The following PKP4 variants were observed in gnomAD, a reference collection of about 807,000 sequenced individuals.
PKP4 encodes the protein plakophilin 4.
Under a neutral mutation model 145.1 loss-of-function variants are expected in PKP4, and 90 were observed. The ratio of observed to expected loss-of-function variants is 0.62; its 90% CI spans 0.52 to 0.74. PKP4 has a LOEUF of 0.74. Among genes scored for constraint, PKP4 ranks in the 30% least tolerant of loss-of-function variants. The probability of loss-of-function intolerance (pLI) is 0.00; values close to 1 mark genes in which losing one functional copy is unlikely to be tolerated. For missense variants in PKP4, 1,340 were observed against 1,482.7 expected (o/e 0.90, Z 1.58); for synonymous variants, 563 against 577.2 (o/e 0.98, Z 0.35).
intron 1 of PKP4, among the ~76,000 whole-genome samples, chr2:158,460,644 A>G (rs1689624017): frequency 2.0e-5 from 3 of 152,196 alleles, no homozygotes; most frequent in Admixed American, 2.0e-4. Context: ...TTGAGCAGTA[A>G]TTCCCTACCT....
Position 158,646,557 on chromosome 2 carries a change from C to T in PKP4, c.1909+3858C>T, listed in dbSNP as rs370175140. Among the ~76,000 whole-genome samples the T allele has an allele frequency of 5.3e-4, 81 of 152,244 alleles. 2 individuals carry two copies. The South Asian group carries it at 0.016, about 31-fold the overall frequency. ...AGCAAAATTGCTCACATTTCCCAGT[C>T]CTACAATTTAGTGGTACCAATCTTA... On this transcript the variant is annotated intron_variant, in intron 11 of 21. Transcript: ENST00000389759.
chr2:158,631,654 G>A lies in PKP4; in HGVS notation c.1154-99G>A, dbSNP rs1210669735. 6 of 1,041,034 alleles carry A rather than the reference G, an allele frequency of 5.8e-6. No individual in the cohort carries two copies. In the East Asian group the frequency reaches 9.5e-5, roughly 17 times the overall value. 64.5% of individuals were successfully genotyped at this position (1,041,034 alleles called of 1,614,324 possible). A position where few individuals can be genotyped will look rare whatever the true frequency, so the allele number is the denominator to read the frequency against. ...CATTCTCCCACCTCTGTCTCCCAAA[G>A]TGCTGGGATTACAGGGGTTAGGAAT... On this transcript the variant is annotated intron_variant, in intron 7 of 21. Transcript: ENST00000389759.
At chr2:158,478,331 T>G (rs1210975946) in intron 1 of PKP4, among the ~76,000 whole-genome samples, 1 of 151,586 alleles carries the variant, frequency 6.6e-6, no homozygotes, top group Admixed American at 6.6e-5. Context: ...TAAAATGGGG[T>G]TTTCACAAGC....
At chr2:158,658,839 T>G (rs2056252133) in intron 12 of PKP4, 1 of 153,066 alleles carries the variant, frequency 6.5e-6, no homozygotes, top group East Asian at 1.9e-4. Context: ...TTATTTGCCC[T>G]TAACACTCAT....
At chr2:158,528,247 A>T (rs1381305793) in intron 1 of PKP4, among the ~76,000 whole-genome samples, 3 of 150,666 alleles carry the variant, frequency 2.0e-5, no homozygotes, top group Admixed American at 6.7e-5. Context: ...CAAATGTCCA[A>T]CAATGATAGA....
At chr2:158,566,485 T>C (rs2046999454) in intron 2 of PKP4, among the ~76,000 whole-genome samples, 1 of 152,102 alleles carries the variant, frequency 6.6e-6, no homozygotes, top group Non-Finnish European at 1.5e-5. Context: ...TTGAAATATA[T>C]ATATATAAAA....
chr2:158,521,417 T>C (rs1432310480), intron 1 of PKP4, among the ~76,000 whole-genome samples: 1 of 152,236 alleles, frequency 6.6e-6, no homozygotes, highest in African/African-American at 2.4e-5. Flanking sequence ...GTGATATTTC[T>C]AGTGAAAAAT....
At chr2:158,553,733 A>G (rs760403381) in intron 2 of PKP4, among the ~76,000 whole-genome samples, 34 of 152,078 alleles carry the variant, frequency 2.2e-4, no homozygotes, top group Non-Finnish European at 4.3e-4. Context: ...TGGGAGTGTC[A>G]TAACTATTAT....
At chr2:158,470,801 C>T (rs1275131503) in intron 1 of PKP4, among the ~76,000 whole-genome samples, 1 of 152,136 alleles carries the variant, frequency 6.6e-6, no homozygotes, top group East Asian at 1.9e-4. Context: ...CTTGAGGGCT[C>T]TTCTACATGG....
chr2:158,533,970 T>TA (rs1318056421), intron 2 of PKP4, among the ~76,000 whole-genome samples: 1 of 152,334 alleles, frequency 6.6e-6, no homozygotes, highest in Non-Finnish European at 1.5e-5. Context: ...TTTCAAAGCT[T>TA]AATAAGGTAA....
At chr2:158,562,032 A>G (rs2046575573) in intron 2 of PKP4, among the ~76,000 whole-genome samples, 1 of 151,884 alleles carries the variant, frequency 6.6e-6, no homozygotes, top group South Asian at 2.1e-4. Flanking sequence ...AAAAAGTCAT[A>G]GAACTGTTTT....
At chr2:158,552,087 A>G (rs2045680363) in intron 2 of PKP4, among the ~76,000 whole-genome samples, 1 of 152,230 alleles carries the variant, frequency 6.6e-6, no homozygotes, top group South Asian at 2.1e-4. Context: ...TCTAAATGCC[A>G]TCACAAGTAT....
chr2:158,672,423 C>G (rs1248107594), intron 17 of PKP4, among the ~76,000 whole-genome samples: 2 of 152,152 alleles, frequency 1.3e-5, no homozygotes, highest in Admixed American at 6.5e-5. Context: ...CCTGCCTGGT[C>G]GAGTGTTTCA....
In PKP4 at chr2:158,673,880, C is replaced by T; in HGVS notation, c.3010-3C>T. 2.5e-6 allele frequency: 4 copies of T among 1,585,758 alleles called. No individual in the cohort carries two copies. Among genetic ancestry groups the T allele is most frequent in the Non-Finnish European group, 3.5e-6 (4 of 1,154,012 alleles). On this transcript the variant is annotated splice_polypyrimidine_tract_variant and splice_region_variant and intron_variant, in intron 18 of 21. Transcript: ENST00000389759. ...GAGGTTTCTTTTTCTCTTAACTCTGCAGGATGGGTGGAATCAGAACCATTT... is the reference window on the plus strand; with the variant it reads ...GAGGTTTCTTTTTCTCTTAACTCTGTAGGATGGGTGGAATCAGAACCATTT...
chr2:158,579,324 G>A (rs950888278), intron 3 of PKP4, among the ~76,000 whole-genome samples: 1 of 151,970 alleles, frequency 6.6e-6, no homozygotes, highest in African/African-American at 2.4e-5. Context: ...GAATCCAGAC[G>A]AGAGATTACA....
chr2:158,463,216 T>A (rs1242680591), intron 1 of PKP4, among the ~76,000 whole-genome samples: 34 of 152,182 alleles, frequency 2.2e-4, no homozygotes, highest in Admixed American at 2.2e-3. Context: ...TAACCACCGC[T>A]AGCCAACAAG....
chr2:158,538,262 G>A (rs2044228178), intron 2 of PKP4, among the ~76,000 whole-genome samples: 1 of 152,102 alleles, frequency 6.6e-6, no homozygotes, highest in African/African-American at 2.4e-5. Flanking sequence ...CATGTGCAGG[G>A]TATTATTATC....
At chr2:158,533,708 T>C (rs960040590) in intron 2 of PKP4, among the ~76,000 whole-genome samples, 1 of 152,248 alleles carries the variant, frequency 6.6e-6, no homozygotes, top group Non-Finnish European at 1.5e-5. Flanking sequence ...ACATAGGTAG[T>C]ATATAGGATT....
At chr2:158,579,444 TAAA>T (rs57964242) in intron 3 of PKP4, among the ~76,000 whole-genome samples, 7 of 136,762 alleles carry the variant, frequency 5.1e-5, no homozygotes, top group East Asian at 2.1e-4. Context: ...TCTGATTTTG[TAAA>T]AAAAAAAAAA....
Sources: allele counts gnomAD v4.1 joint callset (sites outside exome capture counted in the v4.1 genomes callset), GRCh38; gene constraint gnomAD v4.1.1; transcripts MANE v1.5; gene names NCBI Gene and HGNC (gene_info 2026-07-23, HGNC 2026-07-21).